PHF14: variants seen among roughly 807,000 people sequenced by gnomAD.
The protein encoded by PHF14 is PHD finger protein 14.
PHF14 carries 55 observed loss-of-function variants against 117.9 expected under a neutral mutation model. That is an observed-to-expected ratio of 0.47 (90% CI 0.38 to 0.58). The LOEUF is 0.58. Ranked by LOEUF, PHF14 falls within the 20% of genes least tolerant of loss-of-function variation. The pLI is 0.00. For synonymous variants in PHF14, 409 were observed against 368.6 expected (o/e 1.11, Z -1.26); for missense variants, 978 against 1,122.2 (o/e 0.87, Z 1.84).
rs7792307 is a variant in PHF14 at position 10,979,903 on chromosome 7, A to T, written c.113-2469A>T. ...TGGAGAATGAGGGGTTGGGTAAGCT[A>T]TTAGGAGTTGGTTTTGTGGAAAAAT... On this transcript the variant is annotated intron_variant, in intron 2 of 17. Coordinates refer to ENST00000634607, the MANE Select transcript of PHF14 (RefSeq NM_001007157.2). Among the ~76,000 whole-genome samples, 803 of 152,234 alleles carry T rather than the reference A, an allele frequency of 5.3e-3. 5 individuals are homozygous for T. Among genetic ancestry groups the T allele is most frequent in the African/African-American group, 0.018 (764 of 41,566 alleles).
intron 4 of PHF14, among the ~76,000 whole-genome samples, chr7:11,011,525 A>AGACCT (rs1279028294): frequency 6.6e-6 from 1 of 152,214 alleles, no homozygotes; most frequent in Admixed American, 6.5e-5. Flanking sequence ...CTTGGCACCA[A>AGACCT]GACCTACCCT....
At chr7:11,059,377 G>T (rs972923918) in intron 14 of PHF14, among the ~76,000 whole-genome samples, 1 of 152,168 alleles carries the variant, frequency 6.6e-6, no homozygotes, top group African/African-American at 2.4e-5. Flanking sequence ...ATGTGAAAAT[G>T]TATGGAAGTC....
At chr7:11,034,766 C>G (rs1035804537) in intron 7 of PHF14, among the ~76,000 whole-genome samples, 3 of 151,628 alleles carry the variant, frequency 2.0e-5, no homozygotes, top group Admixed American at 2.0e-4. Flanking sequence ...CCAGGCTAGT[C>G]TCGAACTCCC....
intron 17 of PHF14, among the ~76,000 whole-genome samples, chr7:11,153,107 T>G (rs762691551): frequency 4.6e-5 from 7 of 152,224 alleles, no homozygotes; most frequent in Non-Finnish European, 7.3e-5. Context: ...TTACAAAGAT[T>G]ACTGTCTCCT....
At chr7:11,081,896 A>G (rs1479276944) in intron 16 of PHF14, among the ~76,000 whole-genome samples, 3 of 152,054 alleles carry the variant, frequency 2.0e-5, no homozygotes, top group South Asian at 2.1e-4. Context: ...TTTTTTATAA[A>G]TATTTTTATT....
chr7:11,158,000 A>C (rs1245202372), intron 17 of PHF14, among the ~76,000 whole-genome samples: 3 of 152,166 alleles, frequency 2.0e-5, no homozygotes, highest in African/African-American at 7.2e-5. Context: ...AATAGGATGG[A>C]GTGTTCTGAT....
At chr7:11,137,735 G>A (rs909236164) in intron 17 of PHF14, among the ~76,000 whole-genome samples, 2 of 151,352 alleles carry the variant, frequency 1.3e-5, no homozygotes, top group Non-Finnish European at 2.9e-5. Flanking sequence ...ACAGGCACCT[G>A]CCACCACGCC....
intron 4 of PHF14, among the ~76,000 whole-genome samples, chr7:10,996,579 A>G (rs1180316297): frequency 2.0e-5 from 3 of 152,132 alleles, no homozygotes; most frequent in Admixed American, 1.3e-4. Flanking sequence ...CAGGCAAGCT[A>G]TCCCAGAGGT....
intron 17 of PHF14, among the ~76,000 whole-genome samples, chr7:11,147,055 C>T (rs1788567468): frequency 6.6e-6 from 1 of 152,070 alleles, no homozygotes; most frequent in Admixed American, 6.6e-5. Flanking sequence ...CAATGTTGCC[C>T]AGGCTGGTCT....
At chr7:10,979,020 T>G (rs746331584) in intron 2 of PHF14, among the ~76,000 whole-genome samples, 20 of 152,160 alleles carry the variant, frequency 1.3e-4, no homozygotes, top group Non-Finnish European at 2.5e-4. Flanking sequence ...TTTATAGTAC[T>G]AACACTGTTG....
At chr7:11,092,332 T>A (rs774916446) in intron 16 of PHF14, among the ~76,000 whole-genome samples, 1 of 152,210 alleles carries the variant, frequency 6.6e-6, no homozygotes, top group African/African-American at 2.4e-5. Context: ...TGTTTTAAAA[T>A]TCTGAAGTGG....
chr7:11,120,396 TAAG>T (rs930533183), intron 17 of PHF14, among the ~76,000 whole-genome samples: 4 of 152,030 alleles, frequency 2.6e-5, no homozygotes, highest in Non-Finnish European at 4.4e-5. Flanking sequence ...TTTCAAATGT[TAAG>T]AAATGTTTTT....
chr7:11,093,684 G>T (rs904246163), intron 16 of PHF14, among the ~76,000 whole-genome samples: 4 of 152,296 alleles, frequency 2.6e-5, no homozygotes, highest in African/African-American at 9.6e-5. Flanking sequence ...AGCCAAAGGA[G>T]TTCTTAATTT....
chr7:11,013,831 G>GTAAATGTGGTGT lies in PHF14; in HGVS notation c.1132_1143dup (p.Lys378_Val381dup). The GTAAATGTGGTGT allele has an allele frequency of 6.2e-7, 1 of 1,609,590 alleles. No individual in the cohort carries two copies. Among genetic ancestry groups the GTAAATGTGGTGT allele is most frequent in the African/African-American group, 1.3e-5 (1 of 74,926 alleles). The stretch of plus-strand genomic sequence containing the variant: ...ACTGAACCTTGGTTTTGTGATGCCT[G>GTAAATGTGGTGT]TAAATGTGGTGTTTCTCCTAGCTGT... On this transcript the variant is annotated inframe_insertion, in exon 5 of 18. Coordinates refer to ENST00000634607, the MANE Select transcript of PHF14 (RefSeq NM_001007157.2).
At chr7:10,995,655 A>C (rs56400834) in intron 4 of PHF14, among the ~76,000 whole-genome samples, 4,228 of 152,278 alleles carry the variant, frequency 0.028, 203 homozygotes, top group African/African-American at 0.097. Flanking sequence ...GGGGTGGGTA[A>C]GGCTCAGGCA....
chr7:11,075,554 A>C (rs1305092811), intron 16 of PHF14, among the ~76,000 whole-genome samples: 1 of 141,510 alleles, frequency 7.1e-6, no homozygotes, highest in Non-Finnish European at 1.5e-5. Context: ...TTCCCATGGG[A>C]AGGAAAGAGG....
At chr7:11,140,315 C>A (rs1313349261) in intron 17 of PHF14, among the ~76,000 whole-genome samples, 2 of 152,008 alleles carry the variant, frequency 1.3e-5, no homozygotes, top group Non-Finnish European at 2.9e-5. Flanking sequence ...TTTTATTCTA[C>A]CTATTCAATT....
chr7:11,117,582 T>C (rs13308126), intron 17 of PHF14, among the ~76,000 whole-genome samples: 1 of 142,244 alleles, frequency 7.0e-6, no homozygotes, highest in South Asian at 2.2e-4. Flanking sequence ...ACGATATATA[T>C]AAATATGTAT....
rs576458469 is a variant in PHF14 at position 11,015,738 on chromosome 7, G to A, written c.1205+1832G>A. Among the ~76,000 whole-genome samples, 7 of 151,766 alleles carry A rather than the reference G, an allele frequency of 4.6e-5. No individual in the cohort carries two copies. In the South Asian group the frequency reaches 1.5e-3, roughly 32 times the overall value. ...ATGTCTCCTTACTCTTACTACTGCC[G>A]TTACTGCTGCTACTAGTGCTTTCTT... On this transcript the variant is annotated intron_variant, in intron 5 of 17. Coordinates refer to ENST00000634607, the MANE Select transcript of PHF14 (RefSeq NM_001007157.2).
Sources: gnomAD v4.1 joint callset for allele counts (sites outside exome capture counted in the v4.1 genomes callset) on GRCh38, gnomAD v4.1.1 for gene constraint, MANE v1.5 for transcripts, NCBI Gene and HGNC (gene_info 2026-07-23, HGNC 2026-07-21) for gene names.